Variants in MECOM observed in about 807,000 individuals in gnomAD.
The protein encoded by MECOM is histone-lysine N-methyltransferase MECOM.
Under a neutral mutation model 116.3 loss-of-function variants are expected in MECOM, and 13 were observed. That is an observed-to-expected ratio of 0.11 (90% confidence interval 0.07 to 0.18). MECOM has a LOEUF of 0.18. Among genes scored for constraint, MECOM ranks in the 10% least tolerant of loss-of-function variants. MECOM has a pLI of 1.00. For synonymous variants in MECOM, 528 were observed against 535.2 expected, an observed-to-expected ratio of 0.99 and a Z score of 0.19; for missense variants, 1,299 against 1,509.0, an observed-to-expected ratio of 0.86 and a Z score of 2.31.
chr3:169,195,069 A>G (rs1005518335), intron 2 of MECOM, among the ~76,000 whole-genome samples: 3 of 152,074 alleles, frequency 2.0e-5, no homozygotes, highest in African/African-American at 7.2e-5. Context: ...CATAATAAGA[A>G]CAGTCATACC....
At chr3:169,145,189 C>G (rs28448766) in intron 2 of MECOM, 31,975 of 102,808 alleles carry the variant, frequency 0.31, 1,783 homozygotes, top group Middle Eastern at 0.45. Context: ...CACACACACA[C>G]AGAGAGAAAT....
chr3:169,439,302 TTAAC>T (rs1196883431), intron 1 of MECOM, among the ~76,000 whole-genome samples: 11 of 147,420 alleles, frequency 7.5e-5, no homozygotes, highest in Non-Finnish European at 1.0e-4. Context: ...ATATACATAA[TTAAC>T]TAAGGATTAG....
intron 1 of MECOM, among the ~76,000 whole-genome samples, chr3:169,453,599 T>C (rs921749722): frequency 1.3e-5 from 2 of 152,200 alleles, no homozygotes; most frequent in Admixed American, 6.5e-5. Flanking sequence ...CAATATCATA[T>C]ATGGAGTGTC....
intron 2 of MECOM, among the ~76,000 whole-genome samples, chr3:169,368,058 C>T (rs1005585635): frequency 2.6e-5 from 4 of 151,980 alleles, no homozygotes; most frequent in African/African-American, 4.8e-5. Context: ...ACTTTAAAGA[C>T]GTAGTTTTTG....
intron 15 of MECOM, among the ~76,000 whole-genome samples, 156 bp downstream of exon 15, chr3:169,089,844 A>G (rs1719078174): frequency 1.3e-5 from 2 of 152,014 alleles, no homozygotes; most frequent in Non-Finnish European, 2.9e-5. Flanking sequence ...TAGCCACCTT[A>G]TTTTCATCTA....
chr3:169,552,246 AT>A (rs2109311736), intron 1 of MECOM, among the ~76,000 whole-genome samples: 1 of 149,856 alleles, frequency 6.7e-6, no homozygotes, highest in African/African-American at 2.4e-5. Context: ...CGTAGTCAGG[AT>A]TTATGTTTAG....
intron 2 of MECOM, among the ~76,000 whole-genome samples, chr3:169,306,749 C>T (rs1560111129): frequency 1.3e-5 from 2 of 152,170 alleles, no homozygotes; most frequent in African/African-American, 2.4e-5. Context: ...CCTCACTGTC[C>T]TGGTTTTTCT....
chr3:169,243,843 T>A (rs1026027596), intron 2 of MECOM, among the ~76,000 whole-genome samples: 3 of 152,230 alleles, frequency 2.0e-5, no homozygotes, highest in African/African-American at 4.8e-5. Context: ...AAATTTTACA[T>A]GTTCCACTAA....
chr3:169,646,261 G>A (rs1033106506), intron 1 of MECOM, among the ~76,000 whole-genome samples: 28 of 137,398 alleles, frequency 2.0e-4, no homozygotes, highest in African/African-American at 7.0e-4. Flanking sequence ...TGAACAATGA[G>A]AACACTTGGA....
chr3:169,472,611 AGG>A (rs1749650075), intron 1 of MECOM, among the ~76,000 whole-genome samples: 1 of 70,862 alleles, frequency 1.4e-5, no homozygotes, highest in Non-Finnish European at 2.5e-5. Context: ...AGGAAAGGAA[AGG>A]AAAGAAAAGA....
intron 1 of MECOM, among the ~76,000 whole-genome samples, chr3:169,484,270 A>G (rs1751815937): frequency 6.8e-6 from 1 of 148,076 alleles, no homozygotes; most frequent in Non-Finnish European, 1.5e-5. Context: ...AATTTTAAAA[A>G]GAAACAAAAG....
intron 1 of MECOM, among the ~76,000 whole-genome samples, chr3:169,457,034 C>G (rs1173880891): frequency 6.6e-6 from 1 of 152,128 alleles, no homozygotes; most frequent in African/African-American, 2.4e-5. Context: ...TCTCAGCAGC[C>G]AGACCCAGGG....
intron 5 of MECOM, among the ~76,000 whole-genome samples, chr3:169,123,290 GATAT>G (rs1731666088): frequency 2.1e-5 from 3 of 144,898 alleles, no homozygotes; most frequent in Non-Finnish European, 4.6e-5. Flanking sequence ...CTGATGCATG[GATAT>G]ATGCATGGAT....
chr3:169,280,804 G>T (rs1711782918), intron 2 of MECOM, among the ~76,000 whole-genome samples: 1 of 152,198 alleles, frequency 6.6e-6, no homozygotes, highest in Admixed American at 6.5e-5. Flanking sequence ...GGGAGAGGCT[G>T]ATGGCAAATA....
intron 14 of MECOM, among the ~76,000 whole-genome samples, chr3:169,092,044 T>G (rs10936573): frequency 0.26 from 39,192 of 152,034 alleles, 5,247 homozygotes; most frequent in Non-Finnish European, 0.29. Flanking sequence ...AATTATAGCT[T>G]ACAGATAAGA....
At chr3:169,502,227 C>A (rs1302874490) in intron 1 of MECOM, among the ~76,000 whole-genome samples, 2 of 152,200 alleles carry the variant, frequency 1.3e-5, no homozygotes, top group East Asian at 1.9e-4. Flanking sequence ...GGCAGCCTTG[C>A]CAAATTAGAC....
intron 2 of MECOM, among the ~76,000 whole-genome samples, chr3:169,263,416 C>T (rs1462511375): frequency 1.3e-5 from 2 of 151,680 alleles, no homozygotes; most frequent in Non-Finnish European, 2.9e-5. Context: ...ATGTGAGCCA[C>T]CGCGCCCTGC....
At chr3:169,292,065 G>C (rs748907805) in intron 2 of MECOM, among the ~76,000 whole-genome samples, 1 of 152,166 alleles carries the variant, frequency 6.6e-6, no homozygotes, top group Non-Finnish European at 1.5e-5. Flanking sequence ...ATTTTAAAGA[G>C]ATTGGGGCTC....
In MECOM at chr3:169,581,206, C is replaced by G. The variant is rs1056247468; in HGVS notation, c.37+82130G>C. ...AAGGAGCACCGAATCTCTGATATTCCATATTGTCCAAATGAGTCCTGGGAA... is the reference window on the plus strand; with the variant it reads ...AAGGAGCACCGAATCTCTGATATTCGATATTGTCCAAATGAGTCCTGGGAA... On this transcript the variant is annotated intron_variant, in intron 1 of 16. Coordinates refer to ENST00000651503, the MANE Select transcript of MECOM (RefSeq NM_004991.4). Among the ~76,000 whole-genome samples the G allele has an allele frequency of 3.3e-5, 5 of 152,128 alleles. No individual in the cohort carries two copies. The East Asian group carries it at 9.6e-4, about 29-fold the overall frequency.
Sources: allele counts gnomAD v4.1 joint callset (sites outside exome capture counted in the v4.1 genomes callset), GRCh38; gene constraint gnomAD v4.1.1; transcripts MANE v1.5; gene names NCBI Gene and HGNC (gene_info 2026-07-23, HGNC 2026-07-21).